HMG20A: variants seen among roughly 807,000 people sequenced by gnomAD.
HMG20A encodes the protein high mobility group protein 20A.
Under a neutral mutation model 43.9 loss-of-function variants are expected in HMG20A, and 17 were observed. That is an observed-to-expected ratio of 0.39 (90% CI 0.27 to 0.58). The LOEUF is 0.58. HMG20A is among the 20% of genes least tolerant of loss of function. The pLI is 0.59. For synonymous variants in HMG20A, 132 were observed against 147.5 expected, an observed-to-expected ratio of 0.89 and a Z score of 0.76; for missense variants, 341 against 438.2, an observed-to-expected ratio of 0.78 and a Z score of 1.98.
At chr15:77,508,925 C>A in the HMG20A span, among the ~76,000 whole-genome samples, 2 of 152,200 alleles carry the variant, frequency 1.3e-5, no homozygotes, top group African/African-American at 4.8e-5. Flanking sequence ...TTTCATCTGG[C>A]CCTGCCCAAC....
chr15:77,467,098 C>T lies in HMG20A; in HGVS notation c.241C>T (p.Arg81Ter). The T allele has an allele frequency of 1.2e-6, 2 of 1,611,092 alleles. No homozygotes were observed. Among genetic ancestry groups the T allele is most frequent in the South Asian group, 2.2e-5 (2 of 90,808 alleles). Residue 81 changes from arginine (R) to a stop codon, truncating the protein, a stop_gained, in exon 4 of 10, where the codon CGA becomes TGA. Transcript: ENST00000336216. LOFTEE classifies it high-confidence loss of function. ...GNEQRHEDEQ[R>*]SKRGGWSKGR... ...TTTATTTTGTTTTGTTTTGTAGCAA[C>T]GAAGTAAACGAGGAGGTTGGTCCAA...
intron 2 of HMG20A, 114 bp from the exon 3 acceptor site, chr15:77,464,126 T>G: frequency 8.8e-7 from 1 of 1,134,150 alleles, no homozygotes; most frequent in Non-Finnish European, 1.3e-6. Flanking sequence ...ATACAGATTA[T>G]TGGGGGAATT....
At chr15:77,489,839 G>T (rs1335678791), downstream of HMG20A, among the ~76,000 whole-genome samples, 4 of 152,264 alleles carry the variant, frequency 2.6e-5, no homozygotes, top group Admixed American at 6.5e-5. Context: ...ACGAGAGGCA[G>T]AGTGGCTTTG....
At chr15:77,499,527 TCC>T in the HMG20A span, among the ~76,000 whole-genome samples, 1 of 151,080 alleles carries the variant, frequency 6.6e-6, no homozygotes, top group African/African-American at 2.4e-5. Flanking sequence ...CACAGAATGC[TCC>T]CCCCCACACA....
chr15:77,466,886 G>GC (rs1303120180), intron 3 of HMG20A, among the ~76,000 whole-genome samples: 16 of 152,328 alleles, frequency 1.1e-4, no homozygotes, highest in African/African-American at 3.6e-4. Context: ...AAAAGAGGTT[G>GC]CAAGTGAAGC....
chr15:77,435,819 C>CTTTTTTT (rs35390385), intron 1 of HMG20A, among the ~76,000 whole-genome samples: 2 of 147,760 alleles, frequency 1.4e-5, no homozygotes, highest in Non-Finnish European at 3.0e-5. Context: ...GTAGGTGCAT[C>CTTTTTTT]TTTTTTTTTT....
At chr15:77,508,974 C>T in the HMG20A span, among the ~76,000 whole-genome samples, 3 of 152,162 alleles carry the variant, frequency 2.0e-5, no homozygotes, top group Non-Finnish European at 1.5e-5. Flanking sequence ...CTCTTTGGCC[C>T]CTTTGTTAAC....
At chr15:77,443,284 C>T (rs999473869) in intron 1 of HMG20A, among the ~76,000 whole-genome samples, 3 of 150,576 alleles carry the variant, frequency 2.0e-5, no homozygotes, top group African/African-American at 7.3e-5. Context: ...CTGCCCACCT[C>T]GGCCTCCCAA....
chr15:77,499,953 C>A, the HMG20A span, among the ~76,000 whole-genome samples: 1 of 151,986 alleles, frequency 6.6e-6, no homozygotes. Context: ...CCTCAGCCCT[C>A]CCTAATAGCT....
At chr15:77,499,527 T>TCC in the HMG20A span, among the ~76,000 whole-genome samples, 1 of 151,080 alleles carries the variant, frequency 6.6e-6, no homozygotes, top group African/African-American at 2.4e-5. Context: ...CACAGAATGC[T>TCC]CCCCCCCACA....
At chr15:77,440,471 CAGTT>C (rs1243486410) in intron 1 of HMG20A, among the ~76,000 whole-genome samples, 1 of 152,082 alleles carries the variant, frequency 6.6e-6, no homozygotes, top group Non-Finnish European at 1.5e-5. Flanking sequence ...GAGAAGGTGT[CAGTT>C]AGGATAGGCT....
At chr15:77,511,410 A>G in the HMG20A span, among the ~76,000 whole-genome samples, 1 of 152,230 alleles carries the variant, frequency 6.6e-6, no homozygotes, top group Non-Finnish European at 1.5e-5. Flanking sequence ...ACTGAAAGGA[A>G]TCAGGGCTCC....
At chr15:77,433,338 T>TAAAAAAAAAAAAAA in intron 1 of HMG20A, among the ~76,000 whole-genome samples, 1 of 118,544 alleles carries the variant, frequency 8.4e-6, no homozygotes. Context: ...ACCCTGTCTC[T>TAAAAAAAAAAAAAA]AAAAAAAAAA....
the HMG20A span, among the ~76,000 whole-genome samples, chr15:77,517,469 C>G: frequency 6.6e-6 from 1 of 151,536 alleles, no homozygotes; most frequent in Non-Finnish European, 1.5e-5. Flanking sequence ...TCACAAATGG[C>G]AGTTCGAGGG....
intron 1 of HMG20A, among the ~76,000 whole-genome samples, chr15:77,452,000 A>G (rs1669806443): frequency 6.6e-6 from 1 of 152,204 alleles, no homozygotes; most frequent in Admixed American, 6.5e-5. Flanking sequence ...AATAAAGGAG[A>G]ATGCATATAT....
At chr15:77,422,475 G>T (rs959323855) in intron 1 of HMG20A, among the ~76,000 whole-genome samples, 1 of 152,130 alleles carries the variant, frequency 6.6e-6, no homozygotes, top group African/African-American at 2.4e-5. Flanking sequence ...AATTAGCTGG[G>T]CGTGGTGGCG....
At position 77,432,003 on chromosome 15, in the gene HMG20A, A is replaced by T. The variant is rs148483003; in HGVS notation, c.-5+10999A>T. ...AGCTGAATAGTATTCCATTGTGCGT[A>T]TATACCACATTTTCTGTGTTCATCT... On this transcript the variant is annotated intron_variant, in intron 1 of 9. Coordinates refer to ENST00000336216, the MANE Select transcript of HMG20A (RefSeq NM_001304504.2). 1.0e-3 allele frequency among the ~76,000 whole-genome samples: 152 copies of T among 152,322 alleles called. 2 individuals are homozygous for T. The East Asian group carries it at 0.027, about 27-fold the overall frequency.
At chr15:77,449,150 C>T (rs1311890143) in intron 1 of HMG20A, among the ~76,000 whole-genome samples, 2 of 151,914 alleles carry the variant, frequency 1.3e-5, no homozygotes, top group African/African-American at 4.8e-5. Flanking sequence ...CCACCCCCAC[C>T]CCAGTGCCCA....
downstream of HMG20A, among the ~76,000 whole-genome samples, chr15:77,487,933 A>G (rs770539363): frequency 6.6e-6 from 1 of 152,378 alleles, no homozygotes; most frequent in East Asian, 1.9e-4. Flanking sequence ...TTGTTAATGT[A>G]CATCTGCTCA....
Sources: gnomAD v4.1 joint callset for allele counts (sites outside exome capture counted in the v4.1 genomes callset) on GRCh38, gnomAD v4.1.1 for gene constraint, MANE v1.5 for transcripts, NCBI Gene and HGNC (gene_info 2026-07-23, HGNC 2026-07-21) for gene names.